Variants in SAMD5 observed in about 807,000 individuals in gnomAD.
SAMD5 encodes sterile alpha motif domain containing 5.
In SAMD5, 13 loss-of-function variants were observed where a neutral mutation model predicts 11.3. The observed-to-expected ratio is 1.15, with a 90% CI of 0.75 to 1.83. The LOEUF (loss-of-function observed/expected upper bound fraction) is 1.83, where lower values mean the gene tolerates loss of function less well. SAMD5 is among the 40% of genes most tolerant of loss of function. The pLI is 0.00. For missense variants in SAMD5, 255 were observed against 239.1 expected (o/e 1.07, Z -0.44); for synonymous variants, 129 against 111.3 (o/e 1.16, Z -1.00).
intron 1 of SAMD5, among the ~76,000 whole-genome samples, chr6:147,631,671 A>C (rs774765470): frequency 2.1e-4 from 32 of 152,132 alleles, no homozygotes; most frequent in Non-Finnish European, 3.7e-4. Flanking sequence ...AAACGCCTCT[A>C]CCCACCCAGT....
chr6:147,578,179 T>C (rs1289255304), intron 1 of SAMD5, among the ~76,000 whole-genome samples: 1 of 152,174 alleles, frequency 6.6e-6, no homozygotes, highest in Non-Finnish European at 1.5e-5. Flanking sequence ...CTCTCTACTT[T>C]ATAAATTTTT....
At chr6:147,720,534 G>C (rs1335656384) in intron 1 of SAMD5, among the ~76,000 whole-genome samples, 1 of 151,756 alleles carries the variant, frequency 6.6e-6, no homozygotes, top group Non-Finnish European at 1.5e-5. Flanking sequence ...ACCTTGTGTA[G>C]AAACGATACC....
chr6:147,570,409 A>G (rs1350011114), downstream of SAMD5, among the ~76,000 whole-genome samples: 3 of 152,118 alleles, frequency 2.0e-5, no homozygotes, highest in African/African-American at 7.2e-5. Flanking sequence ...CTGAATCTCT[A>G]TCACCTGAAA....
chr6:147,899,812 ATTAG>A, the SAMD5 span, among the ~76,000 whole-genome samples: 1 of 152,192 alleles, frequency 6.6e-6, no homozygotes, highest in African/African-American at 2.4e-5. Flanking sequence ...GTATTCCACA[ATTAG>A]TTAGAAGAGC....
At chr6:147,727,324 G>A (rs761903954) in intron 1 of SAMD5, among the ~76,000 whole-genome samples, 5 of 152,154 alleles carry the variant, frequency 3.3e-5, no homozygotes, top group African/African-American at 4.8e-5. Context: ...CTCCTCCAAG[G>A]AGTCTTTCTT....
chr6:147,586,090 A>T (rs1414871232), intron 1 of SAMD5, among the ~76,000 whole-genome samples: 1 of 152,164 alleles, frequency 6.6e-6, no homozygotes, highest in Admixed American at 6.5e-5. Context: ...CGCCATGATT[A>T]ATTAAGGTAT....
chr6:147,608,176 T>A (rs774242785), intron 1 of SAMD5, among the ~76,000 whole-genome samples: 1 of 152,212 alleles, frequency 6.6e-6, no homozygotes, highest in Non-Finnish European at 1.5e-5. Context: ...GGAACCCTCA[T>A]ACACTGTTGG....
the SAMD5 span, among the ~76,000 whole-genome samples, chr6:147,849,158 A>T: frequency 3.6e-5 from 5 of 140,714 alleles, no homozygotes; most frequent in Non-Finnish European, 4.6e-5. Flanking sequence ...CTATATGTGA[A>T]TTTTTTTTTT....
the SAMD5 span, among the ~76,000 whole-genome samples, chr6:147,758,783 C>T: frequency 5.3e-5 from 8 of 152,184 alleles, no homozygotes; most frequent in South Asian, 2.1e-4. Flanking sequence ...TCCAGCACAC[C>T]GGCCTGCTTC....
intron 1 of SAMD5, among the ~76,000 whole-genome samples, chr6:147,540,691 C>T (rs539480958): frequency 2.6e-5 from 4 of 152,126 alleles, no homozygotes; most frequent in East Asian, 3.9e-4. Context: ...CCGCCTAAGA[C>T]GAGTCTCACA....
At chr6:147,723,376 C>T (rs974103880) in intron 1 of SAMD5, among the ~76,000 whole-genome samples, 1 of 152,156 alleles carries the variant, frequency 6.6e-6, no homozygotes, top group Admixed American at 6.5e-5. Context: ...TTATTCTTCC[C>T]CCAAAATCAT....
the SAMD5 span, among the ~76,000 whole-genome samples, chr6:147,876,039 G>A: frequency 1.3e-5 from 2 of 152,190 alleles, no homozygotes; most frequent in Non-Finnish European, 2.9e-5. Context: ...TGCCAATAAG[G>A]TTGGGGACCT....
the SAMD5 span, among the ~76,000 whole-genome samples, chr6:147,752,741 C>T: frequency 1.3e-5 from 2 of 152,098 alleles, no homozygotes; most frequent in African/African-American, 4.8e-5. Flanking sequence ...CCTCTCATGG[C>T]ACACTTATGG....
the SAMD5 span, among the ~76,000 whole-genome samples, chr6:147,786,312 T>G: frequency 1.3e-5 from 2 of 152,244 alleles, no homozygotes; most frequent in African/African-American, 4.8e-5. Context: ...AATAATCTAT[T>G]ATCCTTGGAA....
At chr6:147,746,129 G>A in the SAMD5 span, among the ~76,000 whole-genome samples, 5,531 of 152,284 alleles carry the variant, frequency 0.036, 125 homozygotes, top group Non-Finnish European at 0.056. Context: ...GTGAGGATGA[G>A]TAGTTTGAAG....
At chr6:147,802,131 G>A in the SAMD5 span, among the ~76,000 whole-genome samples, 1 of 152,222 alleles carries the variant, frequency 6.6e-6, no homozygotes, top group East Asian at 1.9e-4. Flanking sequence ...TACACACTGG[G>A]AGAAAAGGTT....
chr6:147,929,774 T>C, the SAMD5 span, among the ~76,000 whole-genome samples: 13 of 152,168 alleles, frequency 8.5e-5, no homozygotes, highest in East Asian at 2.5e-3. Flanking sequence ...TTGGTAACAT[T>C]GGGGGGGAAA....
the SAMD5 span, among the ~76,000 whole-genome samples, chr6:147,930,256 G>A: frequency 6.6e-6 from 1 of 152,044 alleles, no homozygotes; most frequent in African/African-American, 2.4e-5. Context: ...CAGCATTTTG[G>A]TTACAACACT....
chr6:147,705,173 C>G (rs1271564943), intron 1 of SAMD5, among the ~76,000 whole-genome samples: 3 of 152,084 alleles, frequency 2.0e-5, no homozygotes, highest in Admixed American at 2.0e-4. Flanking sequence ...TTCTGAGTGT[C>G]CTTCTCATTT....
Sources: allele counts gnomAD v4.1 joint callset (sites outside exome capture counted in the v4.1 genomes callset), GRCh38; gene constraint gnomAD v4.1.1; transcripts MANE v1.5; gene names NCBI Gene and HGNC (gene_info 2026-07-23, HGNC 2026-07-21).